The following RMDN1 variants were observed in gnomAD, a reference collection of about 807,000 sequenced individuals.
RMDN1 encodes regulator of microtubule dynamics protein 1.
In RMDN1, 48 loss-of-function variants were observed where a neutral mutation model predicts 48.9. The observed-to-expected ratio is 0.98, with a 90% CI of 0.78 to 1.25. The LOEUF (loss-of-function observed/expected upper bound fraction) is 1.25. RMDN1 is among the 50% of genes most tolerant of loss of function. The probability of loss-of-function intolerance (pLI) is 0.00; values close to 1 mark genes in which losing one functional copy is unlikely to be tolerated. For missense variants in RMDN1, 418 were observed against 373.4 expected, an observed-to-expected ratio of 1.12 and a Z score of -0.98; for synonymous variants, 148 against 132.6, an observed-to-expected ratio of 1.12 and a Z score of -0.80.
At chr8:86,494,457 G>A (rs760663666) in intron 2 of RMDN1, among the ~76,000 whole-genome samples, 74 of 152,262 alleles carry the variant, frequency 4.9e-4, no homozygotes, top group Non-Finnish European at 9.0e-4. Context: ...TAGGGAGGCC[G>A]AGGCAGGAGG....
chr8:86,485,642 ATT>A (rs928608142), intron 4 of RMDN1, among the ~76,000 whole-genome samples: 38 of 152,294 alleles, frequency 2.5e-4, no homozygotes, highest in African/African-American at 9.1e-4. Flanking sequence ...CTCACATTGC[ATT>A]GTTATAGTAA....
intron 2 of RMDN1, among the ~76,000 whole-genome samples, chr8:86,502,655 A>C (rs190237195): frequency 6.6e-6 from 1 of 152,332 alleles, no homozygotes. Context: ...CTGTTTGTAA[A>C]TAAAATCTAT....
intron 2 of RMDN1, chr8:86,503,571 G>A: frequency 2.5e-6 from 1 of 406,276 alleles, no homozygotes. Flanking sequence ...AATTAGATTA[G>A]GACCATGCGG....
At chr8:86,476,001 T>C (rs944084600) in intron 8 of RMDN1, among the ~76,000 whole-genome samples, 1 of 152,110 alleles carries the variant, frequency 6.6e-6, no homozygotes, top group Admixed American at 6.5e-5. Context: ...GTTCATAGTA[T>C]TGAGTGATAA....
At position 86,495,109 on chromosome 8, in the gene RMDN1, G is replaced by A. The variant is rs115217977; in HGVS notation, c.248-6470C>T. ...TCTCCCACTGAGAGAGACCATCATC[G>A]AGTAGACTGGCACATGCTGAACAGA... On this transcript the variant is annotated intron_variant, in intron 2 of 9. Transcript: ENST00000406452. 6.0e-3 allele frequency: 1,616 copies of A among 271,150 alleles called. 33 individuals carry two copies. Among genetic ancestry groups the A allele is most frequent in the African/African-American group, 0.034 (1,520 of 44,584 alleles). The allele number at this position is 271,150 out of a possible 1,614,324, so 16.8% of individuals were successfully genotyped here.
chr8:86,496,525 T>C (rs1253422323), intron 2 of RMDN1, among the ~76,000 whole-genome samples: 1 of 152,070 alleles, frequency 6.6e-6, no homozygotes, highest in Non-Finnish European at 1.5e-5. Context: ...TGTTAAATCA[T>C]CAATGATAAA....
chr8:86,499,426 C>A (rs912256379), intron 2 of RMDN1, among the ~76,000 whole-genome samples: 1 of 152,048 alleles, frequency 6.6e-6, no homozygotes, highest in African/African-American at 2.4e-5. Context: ...ACCAATAACA[C>A]CCAAGCTGAG....
Position 86,473,258 on chromosome 8 carries a change from TTATC to T in RMDN1, c.*1046_*1049del, listed in dbSNP as rs1354531447. Reference sequence around the variant, plus strand: ...ATCCACCTACACACACAGTCTGTCTTTATCTAAGTGGATTCAAGATGCTCCTTTT... The same window carrying T: ...ATCCACCTACACACACAGTCTGTCTTTAAGTGGATTCAAGATGCTCCTTTT... On this transcript the variant is annotated 3_prime_UTR_variant, in exon 10 of 10. Coordinates refer to ENST00000406452, the MANE Select transcript of RMDN1 (RefSeq NM_016033.3). The T allele has an allele frequency of 2.0e-6, 2 of 981,180 alleles. No homozygotes were observed. Among genetic ancestry groups the T allele is most frequent in the African/African-American group, 1.9e-5 (1 of 53,352 alleles). 60.8% of individuals were successfully genotyped at this position (981,180 alleles called of 1,614,324 possible). A position where few individuals can be genotyped will look rare whatever the true frequency, so the allele number is the denominator to read the frequency against.
Position 86,506,910 on chromosome 8 carries a change from C to A in RMDN1, c.247+85G>T, listed in dbSNP as rs1447820979. ...ATGGATTTTCTATTATTAACATTAC[C>A]CTGATTCTTTGTTTTAAAATAAAAA... is the stretch of plus-strand genomic sequence containing the variant. On this transcript the variant is annotated intron_variant, in intron 2 of 9. Transcript: ENST00000406452. 1.5e-5 allele frequency: 11 copies of A among 717,280 alleles called. No homozygotes were observed. In the East Asian group the frequency reaches 2.7e-4, roughly 18 times the overall value. The allele number at this position is 717,280 out of a possible 1,614,324, so 44.4% of individuals were successfully genotyped here. A position where few individuals can be genotyped will look rare whatever the true frequency, so the allele number is the denominator to read the frequency against.
upstream of RMDN1, among the ~76,000 whole-genome samples, chr8:86,509,371 C>T (rs1383774024): frequency 2.0e-5 from 3 of 152,016 alleles, no homozygotes; most frequent in Non-Finnish European, 4.4e-5. Flanking sequence ...TTTTATTTTA[C>T]TCGAGTAAAA....
chr8:86,488,235 G>T (rs1290418263), intron 3 of RMDN1, among the ~76,000 whole-genome samples: 1 of 151,992 alleles, frequency 6.6e-6, no homozygotes, highest in African/African-American at 2.4e-5. Context: ...GAAAAACAAT[G>T]AGAAATATAC....
upstream of RMDN1, chr8:86,508,745 G>A (rs548559193): frequency 5.7e-6 from 8 of 1,393,530 alleles, no homozygotes; most frequent in Non-Finnish European, 7.4e-6. Flanking sequence ...CACCTCTTCC[G>A]CCTCCTGCCC....
chr8:86,480,019 T>C (rs1412461744), intron 6 of RMDN1, among the ~76,000 whole-genome samples: 2 of 152,150 alleles, frequency 1.3e-5, no homozygotes, highest in African/African-American at 4.8e-5. Context: ...TCATTTAGCA[T>C]GGTAAATAAG....
chr8:86,492,988 T>C (rs575773304), intron 2 of RMDN1, among the ~76,000 whole-genome samples: 1 of 151,286 alleles, frequency 6.6e-6, no homozygotes, highest in Non-Finnish European at 1.5e-5. Flanking sequence ...ATGGAATTAT[T>C]TGAAGATCAA....
intron 5 of RMDN1, 82 bp from the exon 6 acceptor site, chr8:86,480,414 G>T: frequency 1.4e-6 from 1 of 736,040 alleles, no homozygotes; most frequent in Non-Finnish European, 2.2e-6. Flanking sequence ...AAGAAGCCAT[G>T]ATTTTTTAAA....
At chr8:86,469,676 G>A (rs534623535), downstream of RMDN1, among the ~76,000 whole-genome samples, 6 of 152,262 alleles carry the variant, frequency 3.9e-5, no homozygotes, top group South Asian at 1.2e-3. Flanking sequence ...TGTTGCAGAA[G>A]TAAAAATCTT....
chr8:86,492,202 T>TA (rs1816618246), intron 2 of RMDN1, among the ~76,000 whole-genome samples: 1 of 152,190 alleles, frequency 6.6e-6, no homozygotes, highest in South Asian at 2.1e-4. Flanking sequence ...AAAGAAATTT[T>TA]AAAAAACACA....
rs142480071 is a variant in RMDN1, at chr8:86,488,618, G to C, written c.269C>G (p.Ala90Gly). The C allele has an allele frequency of 2.5e-6, 4 of 1,608,490 alleles. No individual in the cohort carries two copies. The highest frequency in any genetic ancestry group is 3.4e-6 in the Non-Finnish European group (4 of 1,177,274). The change falls in exon 3 of 10, where the codon GCA (alanine) becomes GGA (glycine). Residue 90 changes from alanine to glycine, a missense_variant. Physicochemically the swap from Ala to Gly is moderately conservative, Grantham distance 60 (BLOSUM62 0). Coordinates refer to ENST00000406452, the MANE Select transcript of RMDN1 (RefSeq NM_016033.3). Reference sequence around the variant, plus strand: ...TTCTCCGCTTTCATACAGGTAGTCTGCTTGTTCAAGTATTTCTTCAACTTC... The same window carrying C: ...TTCTCCGCTTTCATACAGGTAGTCTCCTTGTTCAAGTATTTCTTCAACTTC... ...TAKVEEILEQADYLYESGETE... is the reference protein window; with the variant it reads ...TAKVEEILEQGDYLYESGETE...
intron 8 of RMDN1, 64 bp downstream of exon 8, chr8:86,477,230 T>C (rs958127421): frequency 1.4e-5 from 16 of 1,141,190 alleles, no homozygotes; most frequent in Non-Finnish European, 1.8e-5. Context: ...ATTGCTATTA[T>C]AGTATATATT....
Sources: allele counts gnomAD v4.1 joint callset (sites outside exome capture counted in the v4.1 genomes callset), GRCh38; gene constraint gnomAD v4.1.1; transcripts MANE v1.5; gene names NCBI Gene and HGNC (gene_info 2026-07-23, HGNC 2026-07-21).